Variants in ITGA3 observed in about 807,000 individuals in gnomAD.
ITGA3 encodes integrin alpha-3.
A neutral mutation model predicts 131.1 loss-of-function variants in ITGA3; 70 were observed. That is an observed-to-expected ratio of 0.53 (90% CI 0.44 to 0.65). The LOEUF is 0.65. Among genes scored for constraint, ITGA3 ranks in the 30% least tolerant of loss-of-function variants. ITGA3 has a pLI of 0.00. For missense variants in ITGA3, 1,098 were observed against 1,388.6 expected (o/e 0.79, Z 3.33); for synonymous variants, 537 against 571.6 (o/e 0.94, Z 0.86).
chr17:50,071,102 G>T (rs577615099), intron 5 of ITGA3, among the ~76,000 whole-genome samples, 172 bp downstream of exon 5: 1 of 152,238 alleles, frequency 6.6e-6, no homozygotes. Flanking sequence ...AAGATGCAAA[G>T]TTCTTGACTT....
At chr17:50,066,928 C>T (rs1233651313) in intron 3 of ITGA3, among the ~76,000 whole-genome samples, 4 of 152,108 alleles carry the variant, frequency 2.6e-5, no homozygotes, top group African/African-American at 9.7e-5. Flanking sequence ...AATCATTTGC[C>T]ACCCCATAAG....
In ITGA3 at chr17:50,087,792, A is replaced by G. The variant is rs1409984498; in HGVS notation, c.2968A>G (p.Ile990Val). Residue 990 changes from isoleucine (I) to valine (V), a missense_variant, in exon 24 of 26, where the codon ATC becomes GTC. This residue lies in a region of ITGA3 where 699 missense variants were observed against 829.2 expected (regional missense o/e 0.84). Transcript: ENST00000320031. ...SELVEELPAEIELWLVLVAVG... is the reference protein window; with the variant it reads ...SELVEELPAEVELWLVLVAVG... ...GCTGGTGGAGGAGCTGCCGGCCGAA[A>G]TCGAGCTGTGGCTGGTGCTGGTGGC... is the stretch of plus-strand genomic sequence containing the variant. The G allele has an allele frequency of 1.2e-6, 2 of 1,613,304 alleles. No individual in the cohort carries two copies. Among genetic ancestry groups the G allele is most frequent in the East Asian group, 2.2e-5 (1 of 44,886 alleles).
At chr17:50,084,031 C>G (rs993978569) in intron 23 of ITGA3, among the ~76,000 whole-genome samples, 1 of 151,172 alleles carries the variant, frequency 6.6e-6, no homozygotes, top group African/African-American at 2.4e-5. Context: ...GAGTTCAGTT[C>G]GAGACTAGCC....
chr17:50,086,441 C>T (rs1002248342), intron 23 of ITGA3: 4 of 151,240 alleles, frequency 2.6e-5, no homozygotes, highest in African/African-American at 9.7e-5. Context: ...GTAATCCCAG[C>T]ACTTTGGGAG....
Position 50,075,537 on chromosome 17 carries a change from G to T in ITGA3, c.1537+11G>T. 1 of 1,614,224 alleles carries T rather than the reference G, an allele frequency of 6.2e-7. No individual in the cohort carries two copies. The highest frequency in any genetic ancestry group is 8.5e-7 in the Non-Finnish European group (1 of 1,180,036). ...ACAGGCGAAACATCAGTGAGTGCTG[G>T]GGTGCAGCGTAAAAGGGGTACGCTC... On this transcript the variant is annotated intron_variant, in intron 11 of 25. Coordinates refer to ENST00000320031, the MANE Select transcript of ITGA3 (RefSeq NM_002204.4).
intron 1 of ITGA3, among the ~76,000 whole-genome samples, chr17:50,060,015 G>A (rs888931102): frequency 6.6e-6 from 1 of 152,144 alleles, no homozygotes; most frequent in African/African-American, 2.4e-5. Context: ...GGATGGGGAG[G>A]GCTGCAGTTT....
At chr17:50,077,492 G>T (rs748774665) in intron 16 of ITGA3, 45 bp downstream of exon 16, 7 of 1,452,620 alleles carry the variant, frequency 4.8e-6, no homozygotes, top group Non-Finnish European at 6.8e-6. Flanking sequence ...GTCCCTGGCT[G>T]CACCTCTGAT....
In ITGA3 at chr17:50,090,197, C is replaced by T; in HGVS notation, c.*1119C>T. On this transcript the variant is annotated 3_prime_UTR_variant, in exon 26 of 26. Transcript: ENST00000320031. Reference sequence around the variant, plus strand: ...CTGCCCCACCCCATCCAGCCAGACCCCACGCTGACCATGCGTCAGGGGCCT... The same window carrying T: ...CTGCCCCACCCCATCCAGCCAGACCTCACGCTGACCATGCGTCAGGGGCCT... The T allele has an allele frequency of 2.2e-6, 1 of 456,088 alleles. No homozygotes were observed. The highest frequency in any genetic ancestry group is 1.5e-5 in the South Asian group (1 of 64,522). 28.3% of individuals were successfully genotyped at this position (456,088 alleles called of 1,614,324 possible).
chr17:50,063,924 C>T, intron 1 of ITGA3, 153 bp from the exon 2 acceptor site: 6 of 1,049,966 alleles, frequency 5.7e-6, no homozygotes, highest in South Asian at 3.3e-5. Flanking sequence ...TTTTTCCTTG[C>T]CTGCCTTACC....
At position 50,071,587 on chromosome 17, in the gene ITGA3, G is replaced by T. The variant is rs549142503; in HGVS notation, c.959+69G>T. On this transcript the variant is annotated intron_variant, in intron 6 of 25. Coordinates refer to ENST00000320031, the MANE Select transcript of ITGA3 (RefSeq NM_002204.4). ...GCGGGGGAAGGCTTACCTAAGCCAGGTGAGGGGAGTGGAGGATTTGCAGTT... is the reference window on the plus strand; with the variant it reads ...GCGGGGGAAGGCTTACCTAAGCCAGTTGAGGGGAGTGGAGGATTTGCAGTT... The T allele has an allele frequency of 4.2e-4, 572 of 1,370,904 alleles. 5 individuals carry two copies. The East Asian group carries it at 0.013, about 32-fold the overall frequency. The allele number at this position is 1,370,904 out of a possible 1,614,324, so 84.9% of individuals were successfully genotyped here.
intron 7 of ITGA3, among the ~76,000 whole-genome samples, chr17:50,073,123 A>G (rs1908703031): frequency 6.6e-6 from 1 of 152,180 alleles, no homozygotes; most frequent in South Asian, 2.1e-4. Context: ...CTTACTAACA[A>G]GCTTGGCTTG....
chr17:50,056,515 G>A lies in ITGA3; in HGVS notation c.76G>A (p.Gly26Ser), dbSNP rs1331475975. ...LCALALMVAA[G>S]GCVVSAFNLD... ...TGCGCTCGCCTTGATGGTGGCGGCC[G>A]GCGGCTGCGTCGTCTCCGCCTTCAA... The change falls in exon 1 of 26, where the codon GGC becomes AGC. Residue 26 changes from glycine (G) to serine (S), a missense_variant. Gly to Ser is a moderately conservative substitution (Grantham distance 56). Coordinates refer to ENST00000320031, the MANE Select transcript of ITGA3 (RefSeq NM_002204.4). This position sits in a 1 kb window ranked among gnomAD's most constrained non-coding sequence, Gnocchi z 5.6. The A allele has an allele frequency of 6.4e-7, 1 of 1,550,774 alleles. No homozygotes were observed. The highest frequency in any genetic ancestry group is 8.7e-7 in the Non-Finnish European group (1 of 1,147,544).
Position 50,080,248 on chromosome 17 carries a change from C to T in ITGA3, c.2707-14C>T, listed in dbSNP as rs56248615. ...TCAGACTATGTCACGTCTTGCGTTC[C>T]CTGCCCGCCTCAGACCTGTGCCACA... On this transcript the variant is annotated splice_polypyrimidine_tract_variant and intron_variant, in intron 21 of 25. Coordinates refer to ENST00000320031, the MANE Select transcript of ITGA3 (RefSeq NM_002204.4). 2,879 of 1,524,212 alleles carry T rather than the reference C, an allele frequency of 1.9e-3. 6 individuals carry two copies. The highest frequency in any genetic ancestry group is 6.8e-3 in the Middle Eastern group (40 of 5,864). The allele number at this position is 1,524,212 out of a possible 1,614,324, so 94.4% of individuals were successfully genotyped here.
intron 23 of ITGA3, among the ~76,000 whole-genome samples, chr17:50,083,504 C>A (rs1909266059): frequency 6.6e-6 from 1 of 151,844 alleles, no homozygotes; most frequent in East Asian, 1.9e-4. Context: ...AGGCAGGTTG[C>A]TTGAGCCCAG....
rs1567694455 is a variant in ITGA3 at position 50,056,574 on chromosome 17, C to G, written c.135C>G (p.Ala45=). The G allele has an allele frequency of 6.3e-7, 1 of 1,584,610 alleles. No homozygotes were observed. The highest frequency in any genetic ancestry group is 8.6e-7 in the Non-Finnish European group (1 of 1,166,492). The part of the protein sequence containing the change: ...LDTRFLVVKE[A]GNPGSLFGYS... ...CCCGATTCCTGGTAGTGAAGGAGGC[C>G]GGGAACCCGGGCAGCCTCTTCGGCT... is the stretch of plus-strand genomic sequence containing the variant. The change falls in exon 1 of 26, where the codon GCC becomes GCG. Residue 45 remains alanine (A), a synonymous_variant. Coordinates refer to ENST00000320031, the MANE Select transcript of ITGA3 (RefSeq NM_002204.4). This position sits in a 1 kb window ranked among gnomAD's most constrained non-coding sequence, Gnocchi z 5.6.
Position 50,074,461 on chromosome 17 carries a change from A to T in ITGA3, c.1396A>T (p.Ile466Phe). 1 of 1,614,052 alleles carries T rather than the reference A, an allele frequency of 6.2e-7. No homozygotes were observed. The change falls in exon 10 of 26, where the codon ATC becomes TTC. Residue 466 changes from isoleucine to phenylalanine, a missense_variant. By Grantham distance (21) the Ile-to-Phe change is conservative (BLOSUM62 0). Transcript: ENST00000320031. ...TTGTCTCTGCAGGGCCCGGCCCGTC[A>T]TCAACATCGTCCACAAGACCTTGGT... ...HIVLLRARPV[I>F]NIVHKTLVPR...
At chr17:50,075,811 G>T in intron 12 of ITGA3, 76 bp downstream of exon 12, 1 of 1,493,164 alleles carries the variant, frequency 6.7e-7, no homozygotes, top group East Asian at 2.3e-5. Context: ...CTAGATCAAG[G>T]GTGAGGGACG....
In ITGA3 at chr17:50,056,445, C is replaced by T. The variant is rs1189541372; in HGVS notation, c.6C>T (p.Gly2=). ...CCCCGCTTCCGCTGGCAGCCATGGGCCCCGGCCCCAGCCGCGCGCCCCGCG... is the reference window on the plus strand; with the variant it reads ...CCCCGCTTCCGCTGGCAGCCATGGGTCCCGGCCCCAGCCGCGCGCCCCGCG... M[G]PGPSRAPRAP... The change falls in exon 1 of 26, where the codon GGC becomes GGT. Residue 2 remains glycine (G), a synonymous_variant. Transcript: ENST00000320031. The surrounding 1 kb of genome is among the most constrained non-coding windows in gnomAD (Gnocchi z 5.6). 21 of 1,528,842 alleles carry T rather than the reference C, an allele frequency of 1.4e-5. No homozygotes were observed. In the Middle Eastern group the frequency reaches 6.7e-4, roughly 49 times the overall value. 94.7% of individuals were successfully genotyped at this position (1,528,842 alleles called of 1,614,324 possible).
At chr17:50,086,703 A>AC (rs1909455748) in intron 23 of ITGA3, 1 of 150,962 alleles carries the variant, frequency 6.6e-6, no homozygotes, top group Non-Finnish European at 1.5e-5. Context: ...AAAAAAAAAA[A>AC]AAAACCTCAT....
Sources: allele counts gnomAD v4.1 joint callset (sites outside exome capture counted in the v4.1 genomes callset), GRCh38; gene constraint gnomAD v4.1.1; regional missense constraint gnomAD v4.1.1; non-coding constraint Gnocchi (gnomAD v3.1); transcripts MANE v1.5; gene names NCBI Gene and HGNC (gene_info 2026-07-23, HGNC 2026-07-21).